LPIN2: variants seen among roughly 807,000 people sequenced by gnomAD.
LPIN2 encodes the protein lipin 2.
In LPIN2, 55 loss-of-function variants were observed where a neutral mutation model predicts 111.4. The ratio of observed to expected loss-of-function variants is 0.49; its 90% CI spans 0.40 to 0.62. The LOEUF is 0.62. Ranked by LOEUF, LPIN2 falls within the 20% of genes least tolerant of loss-of-function variation. The pLI is 0.00. For missense variants in LPIN2, 992 were observed against 1,112.1 expected, an observed-to-expected ratio of 0.89 and a Z score of 1.54; for synonymous variants, 425 against 414.0, an observed-to-expected ratio of 1.03 and a Z score of -0.32.
rs572029999 is a variant in LPIN2 at position 2,972,047 on chromosome 18, AAAAAC to A, written c.-9-11203_-9-11199del. Reference sequence around the variant, plus strand: ...GGGCGACAGAGTGAAACTCCATATCAAAAACAAAACAAAACAAAAAAACAAAAACA... The same window carrying A: ...GGGCGACAGAGTGAAACTCCATATCAAAAACAAAACAAAAAAACAAAAACA... On this transcript the variant is annotated intron_variant, in intron 1 of 19. Coordinates refer to ENST00000677752, the MANE Select transcript of LPIN2 (RefSeq NM_001375808.2). Among the ~76,000 whole-genome samples the A allele has an allele frequency of 7.2e-5, 11 of 152,294 alleles. No homozygotes were observed. The South Asian group carries it at 2.3e-3, about 32-fold the overall frequency.
chr18:3,009,154 C>T (rs1481038749), intron 1 of LPIN2, among the ~76,000 whole-genome samples: 1 of 151,998 alleles, frequency 6.6e-6, no homozygotes, highest in African/African-American at 2.4e-5. Context: ...AATCCCAGCA[C>T]TTTGGGAGGC....
chr18:2,934,417 T>C lies in LPIN2; in HGVS notation c.1202A>G (p.Asp401Gly), dbSNP rs1474165384. 6 of 1,613,706 alleles carry C rather than the reference T, an allele frequency of 3.7e-6. No homozygotes were observed. Among genetic ancestry groups the C allele is most frequent in the Non-Finnish European group, 5.1e-6 (6 of 1,179,798 alleles). The change falls in exon 8 of 20, where the codon GAT (aspartate) becomes GGT (glycine). Residue 401 changes from aspartate to glycine, a missense_variant. Coordinates refer to ENST00000677752, the MANE Select transcript of LPIN2 (RefSeq NM_001375808.2). ...CTTTAAGTCATCAAGGTAAATATCA[T>C]CAGGTCCCTGGTGTTGGCTTCTTTT... ...VHKRSQHQGP[D>G]DIYLDDLKGL...
chr18:2,929,735 A>G (rs1331716102), intron 9 of LPIN2, among the ~76,000 whole-genome samples: 1 of 152,090 alleles, frequency 6.6e-6, no homozygotes, highest in Non-Finnish European at 1.5e-5. Flanking sequence ...GTGAAAACCC[A>G]TCTCTACTAA....
chr18:2,946,461 A>G (rs972276010), intron 4 of LPIN2: 1 of 1,473,896 alleles, frequency 6.8e-7, no homozygotes, highest in Admixed American at 1.7e-5. Context: ...CCTGGGTGAT[A>G]TGTGCAAGCA....
chr18:3,004,294 T>C (rs1228844457), intron 1 of LPIN2, among the ~76,000 whole-genome samples: 1 of 152,118 alleles, frequency 6.6e-6, no homozygotes, highest in Non-Finnish European at 1.5e-5. Flanking sequence ...CCTTTTAAAA[T>C]CCCTAATAAA....
intron 1 of LPIN2, among the ~76,000 whole-genome samples, chr18:3,006,260 C>G (rs1318304344): frequency 6.6e-6 from 1 of 152,206 alleles, no homozygotes; most frequent in Non-Finnish European, 1.5e-5. Flanking sequence ...CACCACTTTA[C>G]AACAGACTAA....
chr18:3,008,863 G>A (rs1368552947), intron 1 of LPIN2, among the ~76,000 whole-genome samples: 2 of 148,290 alleles, frequency 1.3e-5, no homozygotes, highest in Non-Finnish European at 1.5e-5. Context: ...ACAGGTGCCC[G>A]CACTACCACA....
intron 1 of LPIN2, among the ~76,000 whole-genome samples, chr18:2,999,312 C>A (rs2078393278): frequency 6.6e-6 from 1 of 152,132 alleles, no homozygotes. Context: ...AAGAGGAAAT[C>A]TGGTCCAGGC....
At chr18:2,957,866 T>G (rs2077636216) in intron 2 of LPIN2, among the ~76,000 whole-genome samples, 1 of 151,976 alleles carries the variant, frequency 6.6e-6, no homozygotes, top group Admixed American at 6.6e-5. Context: ...TGATAAATAA[T>G]CTGACCAGGC....
intron 17 of LPIN2, 59 bp from the exon 18 acceptor site, chr18:2,921,706 T>C (rs559431055): frequency 8.0e-7 from 1 of 1,249,524 alleles, no homozygotes; most frequent in Non-Finnish European, 1.2e-6. Flanking sequence ...CCCCAGTGAG[T>C]GGTCCTAAAA....
Position 2,937,675 on chromosome 18 carries a change from A to C in LPIN2, c.1168+17T>G. 1 of 1,610,268 alleles carries C rather than the reference A, an allele frequency of 6.2e-7. No individual in the cohort carries two copies. Among genetic ancestry groups the C allele is most frequent in the Middle Eastern group, 1.7e-4 (1 of 6,058 alleles). On this transcript the variant is annotated intron_variant, in intron 7 of 19. Coordinates refer to ENST00000677752, the MANE Select transcript of LPIN2 (RefSeq NM_001375808.2). ...CTAATTTGAGAGTACCTGGAGCCAA[A>C]TTAAACAAACGATTACCTTTCTTCT...
At chr18:2,982,948 T>C in intron 1 of LPIN2, 1 of 347,348 alleles carries the variant, frequency 2.9e-6, no homozygotes, top group Non-Finnish European at 5.6e-6. Context: ...ACCAATGAGA[T>C]TTGCTCAAAA....
intron 1 of LPIN2, among the ~76,000 whole-genome samples, chr18:3,010,366 C>G (rs1221120053): frequency 6.6e-6 from 1 of 152,148 alleles, no homozygotes; most frequent in Non-Finnish European, 1.5e-5. Context: ...GTTTTAAAGA[C>G]ACATTATACA....
intron 1 of LPIN2, chr18:3,011,805 C>G (rs2078609050): frequency 3.3e-5 from 5 of 152,334 alleles, no homozygotes; most frequent in Admixed American, 3.3e-4. Context: ...TCTTCTCTGG[C>G]TGGGTACGGC....
intron 1 of LPIN2, among the ~76,000 whole-genome samples, chr18:2,984,722 TG>T (rs2078162849): frequency 6.6e-6 from 1 of 151,978 alleles, no homozygotes; most frequent in South Asian, 2.1e-4. Flanking sequence ...ACTTTAAATG[TG>T]AGGAAACTGA....
intron 8 of LPIN2, among the ~76,000 whole-genome samples, chr18:2,932,609 G>A (rs1384683179): frequency 6.6e-6 from 1 of 152,180 alleles, no homozygotes; most frequent in Non-Finnish European, 1.5e-5. Context: ...CAACCCTTCT[G>A]TGTTCACCAC....
At chr18:3,000,879 T>A (rs2078425008) in intron 1 of LPIN2, among the ~76,000 whole-genome samples, 1 of 135,566 alleles carries the variant, frequency 7.4e-6, no homozygotes, top group Non-Finnish European at 1.5e-5. Flanking sequence ...AGGTGCTTCA[T>A]CAAGAGATGG....
At position 2,983,644 on chromosome 18, in the gene LPIN2, A is replaced by T. The variant is rs143429006; in HGVS notation, c.-9-22795T>A. On this transcript the variant is annotated intron_variant, in intron 1 of 19. Transcript: ENST00000677752. ...GGCAATCAGGCCAGTACCAACTGCAATGTGCTCCAAGTGTAAAATACACAC... is the reference window on the plus strand; with the variant it reads ...GGCAATCAGGCCAGTACCAACTGCATTGTGCTCCAAGTGTAAAATACACAC... 5.6e-3 allele frequency among the ~76,000 whole-genome samples: 847 copies of T among 152,320 alleles called. 4 individuals carry two copies. The highest frequency in any genetic ancestry group is 0.02 in the African/African-American group (811 of 41,564).
chr18:2,929,195 T>C, intron 9 of LPIN2, 37 bp from the exon 10 acceptor site: 2 of 1,240,156 alleles, frequency 1.6e-6, no homozygotes, highest in East Asian at 2.3e-5. Flanking sequence ...GGTTAGAGAT[T>C]ACATAAATCC....
Sources: allele counts gnomAD v4.1 joint callset (sites outside exome capture counted in the v4.1 genomes callset), GRCh38; gene constraint gnomAD v4.1.1; transcripts MANE v1.5; gene names NCBI Gene and HGNC (gene_info 2026-07-23, HGNC 2026-07-21).